Variants in CSMD1 observed in about 807,000 individuals in gnomAD.
CSMD1 encodes the protein CUB and Sushi multiple domains 1.
CSMD1 carries 213 observed loss-of-function variants against 417.5 expected under a neutral mutation model. The ratio of observed to expected loss-of-function variants is 0.51; its 90% CI spans 0.46 to 0.57. The LOEUF is 0.57. Ranked by LOEUF, CSMD1 falls within the 20% of genes least tolerant of loss-of-function variation. The pLI is 0.00. For missense variants in CSMD1, 6,923 were observed against 4,529.7 expected, an observed-to-expected ratio of 1.53 and a Z score of -15.17; for synonymous variants, 2,862 against 1,736.8, an observed-to-expected ratio of 1.65 and a Z score of -16.11.
At chr8:4,343,709 G>C (rs778265844) in intron 3 of CSMD1, among the ~76,000 whole-genome samples, 9 of 152,142 alleles carry the variant, frequency 5.9e-5, no homozygotes, top group Non-Finnish European at 1.3e-4. Context: ...TTTCACCAGG[G>C]GAGCTTCGAC....
intron 12 of CSMD1, among the ~76,000 whole-genome samples, chr8:3,452,395 A>T (rs1019296900): frequency 1.3e-5 from 2 of 152,180 alleles, no homozygotes; most frequent in Non-Finnish European, 1.5e-5. Flanking sequence ...GTCTTGTGCC[A>T]GTTTTGAAAG....
chr8:3,308,243 C>G (rs1805040906), intron 24 of CSMD1, 69 bp downstream of exon 24: 1 of 1,211,038 alleles, frequency 8.3e-7, no homozygotes, highest in Non-Finnish European at 1.2e-6. Flanking sequence ...TAAAGGAAGT[C>G]AATGCAACAT....
chr8:3,949,213 T>G (rs966778021), intron 5 of CSMD1, among the ~76,000 whole-genome samples: 1 of 152,220 alleles, frequency 6.6e-6, no homozygotes, highest in African/African-American at 2.4e-5. Context: ...GTGACAACCC[T>G]TAAAATCTTC....
intron 5 of CSMD1, among the ~76,000 whole-genome samples, chr8:3,816,682 C>A (rs1470948847): frequency 6.6e-6 from 1 of 152,064 alleles, no homozygotes; most frequent in Non-Finnish European, 1.5e-5. Context: ...ATGGATATCT[C>A]AATTACACTG....
At chr8:3,712,729 G>A (rs1034766478) in intron 6 of CSMD1, among the ~76,000 whole-genome samples, 1 of 152,166 alleles carries the variant, frequency 6.6e-6, no homozygotes, top group Non-Finnish European at 1.5e-5. Flanking sequence ...TTGTGTGGAA[G>A]ATAACTTCAA....
intron 5 of CSMD1, among the ~76,000 whole-genome samples, chr8:3,975,072 G>C (rs192553551): frequency 2.0e-5 from 3 of 152,196 alleles, no homozygotes; most frequent in African/African-American, 4.8e-5. Context: ...GTACACTGAA[G>C]TTTATTTCTT....
At chr8:3,141,896 C>T (rs1244745777) in intron 41 of CSMD1, among the ~76,000 whole-genome samples, 1 of 151,466 alleles carries the variant, frequency 6.6e-6, no homozygotes, top group African/African-American at 2.4e-5. Context: ...CTCCCGGGTT[C>T]ACGCCACTCT....
At chr8:3,272,931 C>A (rs1416553458) in intron 26 of CSMD1, among the ~76,000 whole-genome samples, 1 of 149,202 alleles carries the variant, frequency 6.7e-6, no homozygotes, top group African/African-American at 2.5e-5. Flanking sequence ...ATTTCCTTCT[C>A]CTGCCTAATT....
chr8:4,022,621 A>C (rs567394711), intron 4 of CSMD1, among the ~76,000 whole-genome samples: 52 of 152,276 alleles, frequency 3.4e-4, no homozygotes, highest in African/African-American at 1.2e-3. Flanking sequence ...ACAGTCCTAG[A>C]AACCATTCTG....
rs909582882 is a variant in CSMD1, at chr8:4,377,214, A to C, written c.415+42739T>G. Among the ~76,000 whole-genome samples, 3 of 152,336 alleles carry C rather than the reference A, an allele frequency of 2.0e-5. No homozygotes were observed. The East Asian group carries it at 5.8e-4, about 29-fold the overall frequency. ...CATCTTTTGGAAGGGCTGAGAGCGC[A>C]AAAGAGGAAAATAATTAACCGAGAT... On this transcript the variant is annotated intron_variant, in intron 3 of 69. Coordinates refer to ENST00000635120, the MANE Select transcript of CSMD1 (RefSeq NM_033225.6).
At chr8:4,052,216 T>A (rs1164394425) in intron 3 of CSMD1, among the ~76,000 whole-genome samples, 1 of 152,134 alleles carries the variant, frequency 6.6e-6, no homozygotes, top group Non-Finnish European at 1.5e-5. Flanking sequence ...TGAGCCACCG[T>A]GCCCACCCAG....
At chr8:4,425,937 A>G (rs1250041753) in intron 2 of CSMD1, among the ~76,000 whole-genome samples, 1 of 152,168 alleles carries the variant, frequency 6.6e-6, no homozygotes, top group Non-Finnish European at 1.5e-5. Context: ...AAAAAATACA[A>G]GCATGCTAAA....
chr8:3,966,310 G>C (rs796235260), intron 5 of CSMD1, among the ~76,000 whole-genome samples: 1 of 152,146 alleles, frequency 6.6e-6, no homozygotes, highest in Non-Finnish European at 1.5e-5. Context: ...TGATGGAGAA[G>C]AGGGAAAGAA....
chr8:3,211,678 G>T (rs1362586633), intron 30 of CSMD1, among the ~76,000 whole-genome samples: 2 of 152,228 alleles, frequency 1.3e-5, no homozygotes, highest in African/African-American at 2.4e-5. Context: ...GGGAGGAGGT[G>T]AGGCGAGATC....
chr8:4,753,377 G>T (rs971400205), intron 1 of CSMD1, among the ~76,000 whole-genome samples: 2 of 149,706 alleles, frequency 1.3e-5, no homozygotes, highest in African/African-American at 5.0e-5. Flanking sequence ...GTCTGTTTTT[G>T]TCTCTTCCCT....
At chr8:3,294,509 G>C (rs1025200463) in intron 25 of CSMD1, among the ~76,000 whole-genome samples, 1 of 152,136 alleles carries the variant, frequency 6.6e-6, no homozygotes, top group South Asian at 2.1e-4. Flanking sequence ...AGTCATTCAA[G>C]CCTTGGCAAT....
chr8:4,761,900 T>A lies in CSMD1; in HGVS notation c.86-124342A>T, dbSNP rs796606100. On this transcript the variant is annotated intron_variant, in intron 1 of 69. Transcript: ENST00000635120. Reference sequence around the variant, plus strand: ...CTATCTATCTATCTACCTACCTATCTATCTATCTATCAATCTATCTATCTA... The same window carrying A: ...CTATCTATCTATCTACCTACCTATCAATCTATCTATCAATCTATCTATCTA... Among the ~76,000 whole-genome samples, 744 of 96,828 alleles carry A rather than the reference T, an allele frequency of 7.7e-3. 5 individuals are homozygous for A. The highest frequency in any genetic ancestry group is 9.7e-3 in the African/African-American group (234 of 24,150). 63.5% of individuals were successfully genotyped at this position (96,828 alleles called of 152,430 possible).
intron 5 of CSMD1, among the ~76,000 whole-genome samples, chr8:3,958,549 T>A (rs1377099853): frequency 1.3e-5 from 2 of 152,220 alleles, no homozygotes; most frequent in Non-Finnish European, 2.9e-5. Flanking sequence ...ATTCATTTAC[T>A]GAGGTATCAA....
At chr8:3,191,607 G>C (rs1585610072) in intron 33 of CSMD1, among the ~76,000 whole-genome samples, 2 of 152,164 alleles carry the variant, frequency 1.3e-5, no homozygotes, top group East Asian at 3.9e-4. Context: ...GCTTTGGATA[G>C]TGGGTACTGA....
Sources: allele counts gnomAD v4.1 joint callset (sites outside exome capture counted in the v4.1 genomes callset), GRCh38; gene constraint gnomAD v4.1.1; transcripts MANE v1.5; gene names NCBI Gene and HGNC (gene_info 2026-07-23, HGNC 2026-07-21).